The following CCDC149 variants were observed in gnomAD, a reference collection of about 807,000 sequenced individuals.
The protein encoded by CCDC149 is coiled-coil domain containing 149.
Under a neutral mutation model 59.9 loss-of-function variants are expected in CCDC149, and 45 were observed. That is an observed-to-expected ratio of 0.75 (90% CI 0.59 to 0.96). The LOEUF (loss-of-function observed/expected upper bound fraction) is 0.96, where lower values mean the gene tolerates loss of function less well. Among genes scored for constraint, CCDC149 ranks in the 40% least tolerant of loss-of-function variants. The pLI, the probability that CCDC149 is intolerant of heterozygous loss-of-function variation, is 0.00. For missense variants in CCDC149, 584 were observed against 664.7 expected (o/e 0.88, Z 1.33); for synonymous variants, 245 against 260.6 (o/e 0.94, Z 0.58).
intron 3 of CCDC149, among the ~76,000 whole-genome samples, chr4:24,859,978 T>C (rs55731767): frequency 0.027 from 4,073 of 152,302 alleles, 176 homozygotes; most frequent in African/African-American, 0.092. Flanking sequence ...CCCGTGCTTT[T>C]AGATAGGTAG....
intron 1 of CCDC149, among the ~76,000 whole-genome samples, chr4:24,910,502 C>A (rs1577478591): frequency 6.6e-6 from 1 of 152,056 alleles, no homozygotes; most frequent in Non-Finnish European, 1.5e-5. Flanking sequence ...TTGGGAGAGA[C>A]CCATAAACTT....
chr4:24,866,556 A>G (rs1174975686), intron 3 of CCDC149, among the ~76,000 whole-genome samples: 1 of 152,104 alleles, frequency 6.6e-6, no homozygotes, highest in South Asian at 2.1e-4. Flanking sequence ...CTCTGTGTAC[A>G]CTTCTGCCTG....
chr4:24,865,313 T>A (rs1248158731), intron 3 of CCDC149, among the ~76,000 whole-genome samples: 1 of 152,224 alleles, frequency 6.6e-6, no homozygotes, highest in East Asian at 1.9e-4. Context: ...TAAGCAAGAA[T>A]ACATTTAAAA....
At chr4:24,847,061 G>A (rs1219210507) in intron 4 of CCDC149, among the ~76,000 whole-genome samples, 1 of 152,188 alleles carries the variant, frequency 6.6e-6, no homozygotes, top group Non-Finnish European at 1.5e-5. Context: ...GCTTGATGCT[G>A]GCGAAGTCGA....
intron 4 of CCDC149, among the ~76,000 whole-genome samples, chr4:24,847,186 T>C (rs1250186705): frequency 6.6e-6 from 1 of 152,178 alleles, no homozygotes; most frequent in Non-Finnish European, 1.5e-5. Flanking sequence ...AAATAGCTGA[T>C]CAATAGAGAG....
intron 1 of CCDC149, among the ~76,000 whole-genome samples, chr4:24,934,696 T>C (rs1722690068): frequency 6.6e-6 from 1 of 152,118 alleles, no homozygotes; most frequent in Non-Finnish European, 1.5e-5. Flanking sequence ...CTGAATGAAG[T>C]GAGTGGTTGA....
chr4:24,960,059 A>C (rs1277090175), intron 1 of CCDC149, among the ~76,000 whole-genome samples: 2 of 152,236 alleles, frequency 1.3e-5, no homozygotes, highest in African/African-American at 4.8e-5. Flanking sequence ...CAAAATAATC[A>C]CAATGAATTG....
intron 1 of CCDC149, among the ~76,000 whole-genome samples, chr4:24,921,610 G>A (rs1032225125): frequency 6.6e-6 from 1 of 152,188 alleles, no homozygotes; most frequent in African/African-American, 2.4e-5. Context: ...ATCCAAGAAA[G>A]ACTGGACAGG....
chr4:24,972,842 T>C (rs1330747791), intron 1 of CCDC149, among the ~76,000 whole-genome samples: 1 of 152,224 alleles, frequency 6.6e-6, no homozygotes, highest in African/African-American at 2.4e-5. Context: ...TGGAATTGCA[T>C]CTGTAACGAA....
At chr4:24,921,915 G>A (rs1722305066) in intron 1 of CCDC149, among the ~76,000 whole-genome samples, 1 of 152,148 alleles carries the variant, frequency 6.6e-6, no homozygotes, top group Admixed American at 6.5e-5. Context: ...ACCACAGATG[G>A]GGGTGTTTAA....
At position 24,944,477 on chromosome 4, in the gene CCDC149, C is replaced by A. The variant is rs76956577; in HGVS notation, c.-65+35592G>T. ...TGACGAGTTAATGGGTGCAGCACAC[C>A]AACATGGCACATGTATACATATGTA... On this transcript the variant is annotated intron_variant, in intron 1 of 12. Coordinates refer to the CCDC149 transcript ENST00000389609. Among the ~76,000 whole-genome samples, 1,776 of 151,452 alleles carry A rather than the reference C, an allele frequency of 0.012. 114 individuals are homozygous for A. The East Asian group carries it at 0.2, about 17-fold the overall frequency.
At chr4:24,931,493 C>A (rs1248046534) in intron 1 of CCDC149, among the ~76,000 whole-genome samples, 1 of 151,496 alleles carries the variant, frequency 6.6e-6, no homozygotes, top group South Asian at 2.1e-4. Context: ...CACTCAGGTA[C>A]CCAGGCTGAT....
At chr4:24,954,285 G>A (rs4235320) in intron 1 of CCDC149, among the ~76,000 whole-genome samples, 82,730 of 151,746 alleles carry the variant, frequency 0.55, 24,054 homozygotes, top group Non-Finnish European at 0.66. Flanking sequence ...GAAGTCATAT[G>A]CTTGCAGATT....
At chr4:24,900,317 AGCCAAC>A (rs1022689169) in intron 1 of CCDC149, among the ~76,000 whole-genome samples, 2 of 152,164 alleles carry the variant, frequency 1.3e-5, no homozygotes, top group African/African-American at 4.8e-5. Context: ...CACATCAACC[AGCCAAC>A]CCACTACAAT....
intron 1 of CCDC149, among the ~76,000 whole-genome samples, chr4:24,932,945 T>C (rs1158985671): frequency 1.3e-5 from 2 of 152,174 alleles, no homozygotes; most frequent in Non-Finnish European, 2.9e-5. Flanking sequence ...TGACTCTGTG[T>C]TCCAACCAGG....
chr4:24,904,767 T>C (rs1721374685), intron 1 of CCDC149, among the ~76,000 whole-genome samples: 1 of 152,242 alleles, frequency 6.6e-6, no homozygotes, highest in Admixed American at 6.5e-5. Flanking sequence ...GTGATTTCCA[T>C]TTACAGTTCC....
At chr4:24,852,990 T>A in intron 4 of CCDC149, 82 bp downstream of exon 4, 1 of 863,764 alleles carries the variant, frequency 1.2e-6, no homozygotes, top group East Asian at 2.4e-5. Flanking sequence ...AATGCTGCAT[T>A]ACATTTTTCC....
At chr4:24,868,890 G>A (rs1718856740) in intron 3 of CCDC149, among the ~76,000 whole-genome samples, 1 of 152,112 alleles carries the variant, frequency 6.6e-6, no homozygotes, top group Non-Finnish European at 1.5e-5. Context: ...TACTTCCTTG[G>A]GTAGTTTCCT....
intron 1 of CCDC149, among the ~76,000 whole-genome samples, chr4:24,922,994 C>T (rs1722340864): frequency 6.6e-6 from 1 of 152,016 alleles, no homozygotes; most frequent in South Asian, 2.1e-4. Flanking sequence ...ACAGATTCTG[C>T]TAAACTCAGC....
Sources: allele counts gnomAD v4.1 joint callset (sites outside exome capture counted in the v4.1 genomes callset), GRCh38; gene constraint gnomAD v4.1.1; transcripts MANE v1.5; gene names NCBI Gene and HGNC (gene_info 2026-07-23, HGNC 2026-07-21).